SHC3: variants seen among roughly 807,000 people sequenced by gnomAD.
The protein encoded by SHC3 is SHC adaptor protein 3, also known as SHC-transforming protein 3.
Under a neutral mutation model 60.4 loss-of-function variants are expected in SHC3, and 15 were observed. That is an observed-to-expected ratio of 0.25 (90% CI 0.17 to 0.38). The LOEUF is 0.38. Among genes scored for constraint, SHC3 ranks in the 10% least tolerant of loss-of-function variants. The pLI is 1.00. For synonymous variants in SHC3, 294 were observed against 325.9 expected, an observed-to-expected ratio of 0.90 and a Z score of 1.05; for missense variants, 677 against 786.1, an observed-to-expected ratio of 0.86 and a Z score of 1.66.
intron 2 of SHC3, chr9:89,110,285 G>A (rs1365304919): frequency 1.0e-6 from 1 of 983,856 alleles, no homozygotes; most frequent in African/African-American, 1.7e-5. Flanking sequence ...AGATAATTAG[G>A]GATTAATTAT....
chr9:89,170,794 G>A (rs1016305921), intron 1 of SHC3, among the ~76,000 whole-genome samples: 9 of 152,172 alleles, frequency 5.9e-5, no homozygotes, highest in African/African-American at 2.2e-4. Context: ...AAATATTTGT[G>A]TAGCATTTAC....
chr9:89,126,083 A>T (rs1564163220), intron 1 of SHC3, among the ~76,000 whole-genome samples: 1 of 152,146 alleles, frequency 6.6e-6, no homozygotes, highest in Non-Finnish European at 1.5e-5. Context: ...CGAACCATGG[A>T]AGAGACTATA....
chr9:89,151,349 T>C (rs1489331638), intron 1 of SHC3, among the ~76,000 whole-genome samples: 2 of 152,122 alleles, frequency 1.3e-5, no homozygotes, highest in Non-Finnish European at 2.9e-5. Context: ...TATAAAGAGG[T>C]TGGGCCTTTT....
chr9:89,038,438 G>C (rs376784321), intron 10 of SHC3, 150 bp from the exon 11 acceptor site: 1 of 858,834 alleles, frequency 1.2e-6, no homozygotes, highest in Non-Finnish European at 1.7e-6. Context: ...CAACTAACTG[G>C]CTGGTAATAT....
At chr9:89,172,281 T>G (rs187199289) in intron 1 of SHC3, among the ~76,000 whole-genome samples, 1 of 152,210 alleles carries the variant, frequency 6.6e-6, no homozygotes, top group Non-Finnish European at 1.5e-5. Context: ...TCAGGGAAAA[T>G]TCACCAATTC....
intron 10 of SHC3, among the ~76,000 whole-genome samples, chr9:89,039,120 G>A (rs575216448): frequency 6.6e-6 from 1 of 152,322 alleles, no homozygotes; most frequent in Non-Finnish European, 1.5e-5. Flanking sequence ...GCAAGTGGAA[G>A]GTAGTGCGAT....
intron 1 of SHC3, among the ~76,000 whole-genome samples, chr9:89,171,543 G>T (rs138601584): frequency 6.6e-4 from 101 of 152,264 alleles, no homozygotes; most frequent in African/African-American, 2.3e-3. Context: ...CTCTTTTGAG[G>T]GGTTCTCCAC....
intron 2 of SHC3, among the ~76,000 whole-genome samples, chr9:89,105,370 C>T (rs1825843299): frequency 1.3e-5 from 2 of 152,192 alleles, no homozygotes. Flanking sequence ...CCTGTATCCT[C>T]ATCCCCAAAA....
intron 1 of SHC3, among the ~76,000 whole-genome samples, chr9:89,119,552 CAT>C (rs1004614650): frequency 1.3e-5 from 2 of 151,676 alleles, no homozygotes; most frequent in African/African-American, 4.8e-5. Context: ...AACGAAAAAA[CAT>C]AAAATGAATT....
chr9:89,100,621 C>T (rs1325770709), intron 2 of SHC3, among the ~76,000 whole-genome samples: 1 of 152,106 alleles, frequency 6.6e-6, no homozygotes, highest in African/African-American at 2.4e-5. Flanking sequence ...TTCTCCATGC[C>T]CCTTTTGTAA....
intron 2 of SHC3, among the ~76,000 whole-genome samples, chr9:89,097,125 A>G (rs1486074218): frequency 2.0e-5 from 3 of 151,720 alleles, no homozygotes; most frequent in Non-Finnish European, 4.4e-5. Context: ...AAAAAAAAAA[A>G]AAAAAAAAAC....
chr9:89,096,158 G>A (rs997990660), intron 2 of SHC3, among the ~76,000 whole-genome samples: 1 of 152,234 alleles, frequency 6.6e-6, no homozygotes, highest in African/African-American at 2.4e-5. Flanking sequence ...ACGCATGAGA[G>A]AGGCTTGTTC....
intron 1 of SHC3, among the ~76,000 whole-genome samples, chr9:89,124,777 A>T (rs1826140826): frequency 6.6e-6 from 1 of 152,110 alleles, no homozygotes; most frequent in Non-Finnish European, 1.5e-5. Flanking sequence ...TAGGTGCAGC[A>T]AATTACCATG....
intron 2 of SHC3, among the ~76,000 whole-genome samples, chr9:89,081,980 G>A (rs1825451666): frequency 6.6e-6 from 1 of 151,962 alleles, no homozygotes; most frequent in Non-Finnish European, 1.5e-5. Flanking sequence ...GACAGCCCCA[G>A]TGCTGAGCCC....
chr9:89,109,793 C>G, intron 2 of SHC3: 1 of 985,466 alleles, frequency 1.0e-6, no homozygotes, highest in East Asian at 1.1e-4. Context: ...TGTTCAGACT[C>G]AAAGCCATGC....
chr9:89,087,556 CT>C (rs1170139229), intron 2 of SHC3, among the ~76,000 whole-genome samples: 1 of 152,194 alleles, frequency 6.6e-6, no homozygotes, highest in African/African-American at 2.4e-5. Flanking sequence ...ATGCCTGCTT[CT>C]TGTGGTGGTC....
At chr9:89,126,211 T>C (rs1272713747) in intron 1 of SHC3, among the ~76,000 whole-genome samples, 1 of 152,078 alleles carries the variant, frequency 6.6e-6, no homozygotes, top group Non-Finnish European at 1.5e-5. Flanking sequence ...AGACCCAACT[T>C]AGAGGAGCTA....
intron 1 of SHC3, among the ~76,000 whole-genome samples, chr9:89,142,245 G>C (rs1312756440): frequency 6.6e-6 from 1 of 152,144 alleles, no homozygotes; most frequent in Non-Finnish European, 1.5e-5. Flanking sequence ...GTTCAGTCGA[G>C]TTTCCTTGCC....
At chr9:89,128,936 G>A (rs764430596) in intron 1 of SHC3, among the ~76,000 whole-genome samples, 36 of 152,074 alleles carry the variant, frequency 2.4e-4, no homozygotes, top group Non-Finnish European at 2.9e-4. Context: ...GGCTTCAGAC[G>A]ATCAGTAACA....
Sources: gnomAD v4.1 joint callset for allele counts (sites outside exome capture counted in the v4.1 genomes callset) on GRCh38, gnomAD v4.1.1 for gene constraint, MANE v1.5 for transcripts, NCBI Gene and HGNC (gene_info 2026-07-23, HGNC 2026-07-21) for gene names.